Variants in ANK2 observed in about 807,000 individuals in gnomAD.
The protein encoded by ANK2 is ankyrin-2.
A neutral mutation model predicts 360.5 loss-of-function variants in ANK2; 83 were observed. That is an observed-to-expected ratio of 0.23 (90% confidence interval 0.19 to 0.28). The LOEUF is 0.28. ANK2 is among the 10% of genes least tolerant of loss of function. The pLI is 1.00. For synonymous variants in ANK2, 1,740 were observed against 1,759.5 expected, an observed-to-expected ratio of 0.99 and a Z score of 0.28; for missense variants, 4,201 against 4,795.7, an observed-to-expected ratio of 0.88 and a Z score of 3.66.
At position 113,334,834 on chromosome 4, in the gene ANK2, T is replaced by G. The variant is rs564241616; in HGVS notation, c.3380-1012T>G. ...GATTAATTAATCTATTACTAGAAAG[T>G]TAATAGATTAATTAATCTATTACTA... On this transcript the variant is annotated intron_variant, in intron 29 of 45. Transcript: ENST00000357077. 1.8e-3 allele frequency among the ~76,000 whole-genome samples: 269 copies of G among 149,542 alleles called. 1 individual carries two copies. The highest frequency in any genetic ancestry group is 0.01 in the Middle Eastern group (3 of 286).
rs559349967 is a variant in ANK2, at chr4:113,162,295, G to A, written c.85-12121G>A. On this transcript the variant is annotated intron_variant, in intron 1 of 45. Transcript: ENST00000357077. ...CTTATCCTCATCACATGCTAGAGTG[G>A]TAATTTTAAAATGGACATTCTGATC... is the stretch of plus-strand genomic sequence containing the variant. Among the ~76,000 whole-genome samples the A allele has an allele frequency of 2.8e-4, 43 of 151,990 alleles. No individual in the cohort carries two copies. The South Asian group carries it at 3.1e-3, about 11-fold the overall frequency.
the ANK2 span, among the ~76,000 whole-genome samples, chr4:112,792,721 G>A: frequency 3.9e-5 from 6 of 152,176 alleles, no homozygotes; most frequent in Middle Eastern, 3.4e-3. Context: ...ATACAGAGAT[G>A]CTACACATTC....
At chr4:112,899,487 C>T (rs1409713373) in intron 1 of ANK2, among the ~76,000 whole-genome samples, 1 of 152,100 alleles carries the variant, frequency 6.6e-6, no homozygotes, top group Non-Finnish European at 1.5e-5. Context: ...TAGCCATTAG[C>T]ATTGATGAGA....
chr4:113,379,062 G>A (rs1180292756), intron 45 of ANK2, among the ~76,000 whole-genome samples: 2 of 151,976 alleles, frequency 1.3e-5, no homozygotes, highest in Non-Finnish European at 2.9e-5. Flanking sequence ...CAAAATTAAA[G>A]GTTCTGTCAC....
At chr4:112,739,964 C>G in the ANK2 span, among the ~76,000 whole-genome samples, 2 of 152,198 alleles carry the variant, frequency 1.3e-5, no homozygotes, top group African/African-American at 4.8e-5. Flanking sequence ...CCACTGAACT[C>G]TAGCCTGGGC....
At chr4:113,339,439 T>C in intron 32 of ANK2, 117 bp downstream of exon 32, 1 of 839,244 alleles carries the variant, frequency 1.2e-6, no homozygotes, top group Non-Finnish European at 2.0e-6. Context: ...GGATTTTAAA[T>C]ATGGTCTGCC....
intron 4 of ANK2, among the ~76,000 whole-genome samples, chr4:113,200,648 G>A (rs918957382): frequency 2.0e-5 from 3 of 152,178 alleles, no homozygotes; most frequent in Non-Finnish European, 4.4e-5. Context: ...TTGCTGCAAA[G>A]GATGTAATTT....
intron 2 of ANK2, among the ~76,000 whole-genome samples, chr4:113,191,629 TGG>T (rs1248598134): frequency 1.3e-5 from 2 of 152,196 alleles, no homozygotes; most frequent in Non-Finnish European, 2.9e-5. Flanking sequence ...GGGCTGTGGA[TGG>T]GGAGAGCAGG....
In ANK2 at chr4:113,358,963, A is replaced by G; in HGVS notation, c.10345A>G (p.Thr3449Ala). 1 of 1,614,102 alleles carries G rather than the reference A, an allele frequency of 6.2e-7. No homozygotes were observed. Among genetic ancestry groups the G allele is most frequent in the Non-Finnish European group, 8.5e-7 (1 of 1,179,974 alleles). ...CCGATTGCCAGTTAAGAGCAGAAGC[A>G]CTACATCTTCCTGCAGGGGGGGCAC... Reference protein sequence around the residue: ...TSRLPVKSRSTTSSCRGGTSP... With the variant: ...TSRLPVKSRSATSSCRGGTSP... The change falls in exon 38 of 46, where the codon ACT (threonine) becomes GCT (alanine). Residue 3449 changes from threonine (T) to alanine (A), a missense_variant. Transcript: ENST00000357077.
intron 1 of ANK2, among the ~76,000 whole-genome samples, chr4:113,150,839 A>G (rs2097046221): frequency 6.6e-6 from 1 of 152,230 alleles, no homozygotes; most frequent in African/African-American, 2.4e-5. Context: ...GGCTAAGATT[A>G]TCAAGAGATT....
intron 2 of ANK2, among the ~76,000 whole-genome samples, chr4:112,937,224 C>T (rs2093818346): frequency 6.6e-6 from 1 of 152,150 alleles, no homozygotes; most frequent in Non-Finnish European, 1.5e-5. Flanking sequence ...AAAATCTCAC[C>T]TTCCATGACT....
At chr4:113,006,521 A>T (rs1215160707) in intron 2 of ANK2, among the ~76,000 whole-genome samples, 1 of 152,202 alleles carries the variant, frequency 6.6e-6, no homozygotes, top group East Asian at 1.9e-4. Context: ...CTTGGTAATA[A>T]TTTTTGTTAG....
chr4:113,170,155 A>G lies in ANK2; in HGVS notation c.85-4261A>G, dbSNP rs113150637. ...AGCTCTCTTTATTTGCTTGGAGAGG[A>G]AATTACTATTGGGATAGAATTGTGT... is the stretch of plus-strand genomic sequence containing the variant. On this transcript the variant is annotated intron_variant, in intron 1 of 45. Transcript: ENST00000357077. Among the ~76,000 whole-genome samples, 351 of 152,316 alleles carry G rather than the reference A, an allele frequency of 2.3e-3. 1 individual carries two copies. Among genetic ancestry groups the G allele is most frequent in the African/African-American group, 8.2e-3 (340 of 41,570 alleles).
the ANK2 span, among the ~76,000 whole-genome samples, chr4:112,803,245 C>A: frequency 6.6e-6 from 1 of 151,984 alleles, no homozygotes; most frequent in Non-Finnish European, 1.5e-5. Context: ...TTCCAGGAAC[C>A]CTTAAATGTT....
intron 1 of ANK2, among the ~76,000 whole-genome samples, chr4:112,825,784 G>T (rs1425227098): frequency 6.6e-6 from 1 of 152,188 alleles, no homozygotes; most frequent in Non-Finnish European, 1.5e-5. Flanking sequence ...AGAGTAGACA[G>T]TTGTGGAAAA....
intron 1 of ANK2, among the ~76,000 whole-genome samples, chr4:113,119,190 G>A (rs2095145243): frequency 6.6e-6 from 1 of 152,070 alleles, no homozygotes; most frequent in South Asian, 2.1e-4. Flanking sequence ...TTATATCTAA[G>A]CTAGAACCAG....
intron 13 of ANK2, among the ~76,000 whole-genome samples, chr4:113,262,377 C>A (rs1421704249): frequency 6.6e-6 from 1 of 152,106 alleles, no homozygotes; most frequent in Non-Finnish European, 1.5e-5. Flanking sequence ...CAGGCATGCA[C>A]CACTATGCCT....
At chr4:113,205,032 G>A (rs1247118257) in intron 4 of ANK2, among the ~76,000 whole-genome samples, 3 of 151,926 alleles carry the variant, frequency 2.0e-5, no homozygotes, top group Admixed American at 1.3e-4. Flanking sequence ...TCAGGAGATC[G>A]AGACCATTCT....
intron 1 of ANK2, among the ~76,000 whole-genome samples, chr4:113,154,227 A>G (rs185840653): frequency 2.0e-5 from 3 of 152,368 alleles, no homozygotes; most frequent in East Asian, 1.9e-4. Context: ...AACACTTAGA[A>G]TAAATTTAAG....
Sources: allele counts gnomAD v4.1 joint callset (sites outside exome capture counted in the v4.1 genomes callset), GRCh38; gene constraint gnomAD v4.1.1; transcripts MANE v1.5; gene names NCBI Gene and HGNC (gene_info 2026-07-23, HGNC 2026-07-21).